RIC1: variants seen among roughly 807,000 people sequenced by gnomAD.
RIC1 encodes the protein RIC1 partner of RAB6A GEF complex.
RIC1 carries 88 observed loss-of-function variants against 169.0 expected under a neutral mutation model. The ratio of observed to expected loss-of-function variants is 0.52; its 90% CI spans 0.44 to 0.62. The LOEUF is 0.62. Ranked by LOEUF, RIC1 falls within the 20% of genes least tolerant of loss-of-function variation. The pLI is 0.00. For synonymous variants in RIC1, 790 were observed against 601.5 expected (o/e 1.31, Z -4.59); for missense variants, 1,877 against 1,725.5 (o/e 1.09, Z -1.56).
At chr9:5,647,221 T>C (rs950325071) in intron 1 of RIC1, among the ~76,000 whole-genome samples, 1 of 152,230 alleles carries the variant, frequency 6.6e-6, no homozygotes, top group Non-Finnish European at 1.5e-5. Flanking sequence ...TGTAGTCTTC[T>C]AGTAAGTTTT....
chr9:5,721,723 T>C (rs1823602020), intron 6 of RIC1, among the ~76,000 whole-genome samples: 1 of 152,202 alleles, frequency 6.6e-6, no homozygotes, highest in Admixed American at 6.5e-5. Flanking sequence ...ATTTTTCCTT[T>C]ACTGCAGATT....
chr9:5,711,534 C>T (rs573013620), intron 3 of RIC1, among the ~76,000 whole-genome samples: 33 of 151,458 alleles, frequency 2.2e-4, no homozygotes, highest in Admixed American at 8.5e-4. Context: ...TCAGGACATA[C>T]GTCTTTTTTG....
At chr9:5,758,677 C>G (rs1826150491) in intron 17 of RIC1, among the ~76,000 whole-genome samples, 1 of 146,176 alleles carries the variant, frequency 6.8e-6, no homozygotes, top group Non-Finnish European at 1.5e-5. Context: ...CCAACTATTT[C>G]ATTGGATGTT....
rs747627206 is a variant in RIC1 at position 5,732,461 on chromosome 9, T to C, written c.794T>C (p.Met265Thr). The C allele has an allele frequency of 6.2e-7, 1 of 1,610,862 alleles. No homozygotes were observed. The highest frequency in any genetic ancestry group is 8.5e-7 in the Non-Finnish European group (1 of 1,178,324). ...CVAVNNKYRL[M>T]AFGCVSGSVQ... is the part of the protein sequence containing the mutation. ...GCAGTAAATAACAAGTATCGACTAA[T>C]GGCATTTGGCTGTGTGAGGTATAAT... The change falls in exon 7 of 26, where the codon ATG becomes ACG. Residue 265 changes from methionine to threonine, a missense_variant. By Grantham distance (81) the Met-to-Thr change is moderately conservative. This residue lies in a region of RIC1 where 1,104 missense variants were observed against 992.0 expected (regional missense o/e 1.11). Transcript: ENST00000414202.
Position 5,774,338 on chromosome 9 carries a change from C to A in RIC1, c.*92C>A. On this transcript the variant is annotated 3_prime_UTR_variant, in exon 26 of 26. Coordinates refer to ENST00000414202, the MANE Select transcript of RIC1 (RefSeq NM_020829.4). ...ATAGTTGGATGATTTAACAGGAGAA[C>A]TCAGTTCAGAGACTCTTCGGTAAGT... 1 of 1,140,526 alleles carries A rather than the reference C, an allele frequency of 8.8e-7. No individual in the cohort carries two copies. The highest frequency in any genetic ancestry group is 1.2e-6 in the Non-Finnish European group (1 of 810,930). The allele number at this position is 1,140,526 out of a possible 1,614,324, so 70.7% of individuals were successfully genotyped here.
intron 1 of RIC1, among the ~76,000 whole-genome samples, chr9:5,640,579 G>A (rs775241687): frequency 6.6e-6 from 1 of 152,110 alleles, no homozygotes; most frequent in African/African-American, 2.4e-5. Flanking sequence ...ATCATTGTTA[G>A]GTTATTTATT....
intron 6 of RIC1, among the ~76,000 whole-genome samples, chr9:5,726,186 C>G (rs1823969017): frequency 2.0e-5 from 3 of 152,136 alleles, no homozygotes; most frequent in East Asian, 1.9e-4. Context: ...GTGTGGGAGT[C>G]TAAGTCTCTT....
intron 1 of RIC1, among the ~76,000 whole-genome samples, chr9:5,637,708 C>T (rs529459987): frequency 1.2e-4 from 18 of 152,264 alleles, no homozygotes; most frequent in African/African-American, 2.4e-4. Context: ...TGAGAACATG[C>T]GATGTTTGTC....
chr9:5,711,639 A>G (rs1822932391), intron 3 of RIC1, among the ~76,000 whole-genome samples: 1 of 151,986 alleles, frequency 6.6e-6, no homozygotes, highest in Admixed American at 6.6e-5. Context: ...GGTTTGTTAC[A>G]TATGTATACA....
At chr9:5,659,065 A>C (rs1586895367) in intron 2 of RIC1, among the ~76,000 whole-genome samples, 1 of 152,162 alleles carries the variant, frequency 6.6e-6, no homozygotes, top group East Asian at 1.9e-4. Context: ...TTATTTCCAC[A>C]AAAAGAATCT....
chr9:5,716,270 C>G (rs958751497), intron 4 of RIC1, among the ~76,000 whole-genome samples: 9 of 152,070 alleles, frequency 5.9e-5, no homozygotes, highest in African/African-American at 2.2e-4. Context: ...GTGTATTTAC[C>G]TAAATTTTTA....
At chr9:5,709,041 ATTT>A in intron 3 of RIC1, among the ~76,000 whole-genome samples, 1 of 152,048 alleles carries the variant, frequency 6.6e-6, no homozygotes, top group East Asian at 1.9e-4. Flanking sequence ...TAGTTACTTG[ATTT>A]TGTACACTAT....
intron 1 of RIC1, among the ~76,000 whole-genome samples, chr9:5,640,361 A>T (rs546788012): frequency 5.3e-4 from 80 of 152,326 alleles, no homozygotes; most frequent in African/African-American, 1.8e-3. Flanking sequence ...AAGTGTAATT[A>T]AAAGTGTAAT....
intron 8 of RIC1, among the ~76,000 whole-genome samples, chr9:5,739,495 A>G (rs756884360): frequency 6.6e-6 from 1 of 152,126 alleles, no homozygotes; most frequent in Non-Finnish European, 1.5e-5. Context: ...CAGTTCCCAT[A>G]GTGCACCTCC....
chr9:5,648,831 T>G (rs539548636), intron 1 of RIC1, among the ~76,000 whole-genome samples: 1 of 152,356 alleles, frequency 6.6e-6, no homozygotes, highest in African/African-American at 2.4e-5. Context: ...TTATGTCTTT[T>G]GCCCACTTTT....
At chr9:5,637,651 T>G (rs73390669) in intron 1 of RIC1, among the ~76,000 whole-genome samples, 1,655 of 152,326 alleles carry the variant, frequency 0.011, 38 homozygotes, top group African/African-American at 0.038. Flanking sequence ...TTCCACTCTT[T>G]ATCACCATTA....
At position 5,756,455 on chromosome 9, in the gene RIC1, T is replaced by C. The variant is rs189538219; in HGVS notation, c.1853+83T>C. On this transcript the variant is annotated intron_variant, in intron 16 of 25. Coordinates refer to ENST00000414202, the MANE Select transcript of RIC1 (RefSeq NM_020829.4). ...TGTAGTTTTTGTTTTCTCAAAACAG[T>C]TATTCCACTTTTATATTCAATCTTG... 34 of 904,642 alleles carry C rather than the reference T, an allele frequency of 3.8e-5. 1 individual carries two copies. The East Asian group carries it at 7.6e-4, about 20-fold the overall frequency. 56.0% of individuals were successfully genotyped at this position (904,642 alleles called of 1,614,324 possible). A position where few individuals can be genotyped will look rare whatever the true frequency, so the allele number is the denominator to read the frequency against.
intron 7 of RIC1, among the ~76,000 whole-genome samples, chr9:5,734,000 T>A (rs1824536392): frequency 6.7e-6 from 1 of 148,476 alleles, no homozygotes; most frequent in Non-Finnish European, 1.5e-5. Flanking sequence ...ACTGATTCAA[T>A]TCAGTTTTTA....
intron 4 of RIC1, among the ~76,000 whole-genome samples, chr9:5,715,792 C>G (rs1823198636): frequency 6.6e-6 from 1 of 150,926 alleles, no homozygotes; most frequent in South Asian, 2.1e-4. Context: ...TTCCCCTCCC[C>G]TCCCTTCCCC....
Sources: allele counts gnomAD v4.1 joint callset (sites outside exome capture counted in the v4.1 genomes callset), GRCh38; gene constraint gnomAD v4.1.1; regional missense constraint gnomAD v4.1.1; transcripts MANE v1.5; gene names NCBI Gene and HGNC (gene_info 2026-07-23, HGNC 2026-07-21).